The following CLCC1 variants were observed in gnomAD, a reference collection of about 807,000 sequenced individuals.
CLCC1 encodes the protein chloride channel CLIC like 1, also known as chloride channel CLIC-like protein 1.
Under a neutral mutation model 63.3 loss-of-function variants are expected in CLCC1, and 39 were observed. The ratio of observed to expected loss-of-function variants is 0.62; its 90% confidence interval spans 0.48 to 0.81. The LOEUF is 0.81. CLCC1 is among the 30% of genes least tolerant of loss of function. The pLI is 0.00. For missense variants in CLCC1, 549 were observed against 669.4 expected, an observed-to-expected ratio of 0.82 and a Z score of 1.98; for synonymous variants, 217 against 239.8, an observed-to-expected ratio of 0.90 and a Z score of 0.88.
Position 108,950,293 on chromosome 1 carries a change from G to T in CLCC1, c.129+16C>A. 1.9e-6 allele frequency: 3 copies of T among 1,602,858 alleles called. No homozygotes were observed. Among genetic ancestry groups the T allele is most frequent in the Non-Finnish European group, 2.6e-6 (3 of 1,173,774 alleles). ...CTGATAAGGTCTCACACACATGCAC[G>T]AATTTTTTTTAATACCTGAGATTTT... On this transcript the variant is annotated intron_variant, in intron 3 of 12. Transcript: ENST00000369969.
intron 5 of CLCC1, among the ~76,000 whole-genome samples, chr1:108,947,363 C>CA (rs1654678500): frequency 6.6e-6 from 1 of 152,146 alleles, no homozygotes. Flanking sequence ...GAGCAGTGCA[C>CA]AGAGCTGAGT....
intron 2 of CLCC1, among the ~76,000 whole-genome samples, chr1:108,953,126 T>C (rs939002801): frequency 2.6e-5 from 4 of 152,210 alleles, no homozygotes; most frequent in African/African-American, 9.7e-5. Flanking sequence ...ATCTTATACC[T>C]ACTACATATA....
Position 108,934,641 on chromosome 1 carries a change from T to A in CLCC1, c.*29A>T, listed in dbSNP as rs1216116050. 6.2e-7 allele frequency: 1 copy of A among 1,603,308 alleles called. No homozygotes were observed. The highest frequency in any genetic ancestry group is 2.2e-5 in the East Asian group (1 of 44,660). On this transcript the variant is annotated 3_prime_UTR_variant, in exon 12 of 13. Coordinates refer to ENST00000369969, the MANE Select transcript of CLCC1 (RefSeq NM_001377458.1). ...ATACTTTACAAAGCTCGAAGGAGAC[T>A]TGAGGCTGTCGTTTGTGCTGGTGTT...
Position 108,929,761 on chromosome 1 carries a change from G to A in CLCC1, c.*2786C>T, listed in dbSNP as rs727503087. The A allele has an allele frequency of 5.0e-6, 8 of 1,613,382 alleles. No individual in the cohort carries two copies. Among genetic ancestry groups the A allele is most frequent in the Non-Finnish European group, 6.8e-6 (8 of 1,179,328 alleles). ...ACCTGCTACCACAAAGGGTCCGACA[G>A]TACCAGATGAAGACTTTTTCAGCCT... On this transcript the variant is annotated 3_prime_UTR_variant, in exon 13 of 13. Coordinates refer to ENST00000369969, the MANE Select transcript of CLCC1 (RefSeq NM_001377458.1).
chr1:108,934,878 G>T lies in CLCC1; in HGVS notation c.1448C>A (p.Pro483Gln). ...ETGGILGEGT[P>Q]KESSTESSQS... ...GCTGCTTTCAGTACTGCTTTCTTTC[G>T]GTGTGCCTTCCCCCAGGATTCCACC... Residue 483 changes from proline to glutamine, a missense_variant, in exon 12 of 13, where the codon CCG (proline) becomes CAG (glutamine). Physicochemically the swap from Pro to Gln is moderately conservative, Grantham distance 76. Transcript: ENST00000369969. 6.2e-7 allele frequency: 1 copy of T among 1,614,080 alleles called. No homozygotes were observed.
In CLCC1 at chr1:108,931,437, GAACAAGTTGC is replaced by G. The variant is rs2101588472; in HGVS notation, c.*1100_*1109del. 3.2e-6 allele frequency: 5 copies of G among 1,550,886 alleles called. No individual in the cohort carries two copies. In the East Asian group the frequency reaches 1.2e-4, roughly 38 times the overall value. ...CACAGACTGCAAAGGCCCACGCTTG[GAACAAGTTGC>G]CAACTTGTTTCACTCTGCTTGCTTC... On this transcript the variant is annotated 3_prime_UTR_variant, in exon 13 of 13. Coordinates refer to ENST00000369969, the MANE Select transcript of CLCC1 (RefSeq NM_001377458.1).
chr1:108,959,307 G>A (rs1012149590), intron 2 of CLCC1, among the ~76,000 whole-genome samples: 3 of 151,644 alleles, frequency 2.0e-5, no homozygotes, highest in Non-Finnish European at 2.9e-5. Flanking sequence ...AGAGCTGAGA[G>A]CACACCACCG....
chr1:108,943,350 C>T (rs925658585), intron 7 of CLCC1, 125 bp downstream of exon 7: 10 of 883,864 alleles, frequency 1.1e-5, no homozygotes, highest in African/African-American at 1.7e-5. Context: ...TCCTCTCCAG[C>T]GTGGGCCACC....
At position 108,930,126 on chromosome 1, in the gene CLCC1, G is replaced by C; in HGVS notation, c.*2421C>G. The C allele has an allele frequency of 1.6e-6, 1 of 607,680 alleles. No homozygotes were observed. Among genetic ancestry groups the C allele is most frequent in the Non-Finnish European group, 2.9e-6 (1 of 350,232 alleles). The allele number at this position is 607,680 out of a possible 1,614,324, so 37.6% of individuals were successfully genotyped here. A position where few individuals can be genotyped will look rare whatever the true frequency, so the allele number is the denominator to read the frequency against. On this transcript the variant is annotated 3_prime_UTR_variant, in exon 13 of 13. Coordinates refer to ENST00000369969, the MANE Select transcript of CLCC1 (RefSeq NM_001377458.1). ...CTCTGGACATGCGCGTTTGAGGGTG[G>C]AGGGGTCCTGTAAGGTGCTTCATCG...
At chr1:108,941,070 C>A (rs938712105) in intron 8 of CLCC1, among the ~76,000 whole-genome samples, 157 of 152,284 alleles carry the variant, frequency 1.0e-3, no homozygotes, top group African/African-American at 3.5e-3. Context: ...TATATACATT[C>A]ATTCACTTGT....
intron 2 of CLCC1, among the ~76,000 whole-genome samples, chr1:108,952,608 GGCCAACA>G (rs1655354696): frequency 6.7e-6 from 1 of 148,788 alleles, no homozygotes; most frequent in South Asian, 2.1e-4. Flanking sequence ...AGAGCAGCCT[GGCCAACA>G]AGTTGAAACC....
intron 4 of CLCC1, 150 bp downstream of exon 4, chr1:108,949,670 C>A: frequency 2.1e-6 from 1 of 471,332 alleles, no homozygotes; most frequent in Non-Finnish European, 3.7e-6. Flanking sequence ...TAATAAGAAA[C>A]CAAGGTTAGA....
Position 108,939,696 on chromosome 1 carries a change from C to T in CLCC1, c.981G>A (p.Met327Ile). Residue 327 changes from methionine to isoleucine, a missense_variant, in exon 10 of 13, where the codon ATG becomes ATA. Coordinates refer to ENST00000369969, the MANE Select transcript of CLCC1 (RefSeq NM_001377458.1). Reference sequence around the variant, plus strand: ...GATGAAGCAGCGCTGGAATTTCCTTCATGAGTGCTTTAATAAATTCCCCAG... The same window carrying T: ...GATGAAGCAGCGCTGGAATTTCCTTTATGAGTGCTTTAATAAATTCCCCAG... ...KGTGEFIKAL[M>I]KEIPALLHLP... 6.2e-7 allele frequency: 1 copy of T among 1,614,142 alleles called. No homozygotes were observed. The highest frequency in any genetic ancestry group is 1.6e-4 in the Middle Eastern group (1 of 6,062).
Position 108,932,274 on chromosome 1 carries a change from A to AAAAGT in CLCC1, c.*268_*272dup, listed in dbSNP as rs1015689181. On this transcript the variant is annotated 3_prime_UTR_variant, in exon 13 of 13. Transcript: ENST00000369969. ...GGGTGACAGAGCAAAACTCTCAAAA[A>AAAAGT]AAAGTAAAATTTCAAAAAAGCTTCA... 2.3e-4 allele frequency: 35 copies of AAAAGT among 152,292 alleles called. No individual in the cohort carries two copies. The highest frequency in any genetic ancestry group is 7.7e-4 in the African/African-American group (32 of 41,556). The allele number at this position is 152,292 out of a possible 1,614,324, so 9.4% of individuals were successfully genotyped here. A position where few individuals can be genotyped will look rare whatever the true frequency, so the allele number is the denominator to read the frequency against.
intron 7 of CLCC1, among the ~76,000 whole-genome samples, chr1:108,942,221 G>A (rs1044622077): frequency 1.3e-5 from 2 of 152,138 alleles, no homozygotes; most frequent in African/African-American, 2.4e-5. Flanking sequence ...CTGGGGGACA[G>A]AGTGAGACTG....
chr1:108,960,195 T>C (rs948399676), intron 2 of CLCC1, among the ~76,000 whole-genome samples: 1 of 152,170 alleles, frequency 6.6e-6, no homozygotes, highest in African/African-American at 2.4e-5. Context: ...TGGAGATACT[T>C]AGAAATACTG....
chr1:108,955,597 C>G (rs1655784625), intron 2 of CLCC1, among the ~76,000 whole-genome samples: 1 of 151,516 alleles, frequency 6.6e-6, no homozygotes, highest in African/African-American at 2.5e-5. Flanking sequence ...AACTGCAAAG[C>G]ATTCCTTCTG....
Position 108,943,867 on chromosome 1 carries a change from G to A in CLCC1, c.530C>T (p.Ser177Phe), listed in dbSNP as rs535996305. 12 of 1,613,578 alleles carry A rather than the reference G, an allele frequency of 7.4e-6. No homozygotes were observed. In the East Asian group the frequency reaches 2.5e-4, roughly 33 times the overall value. ...FETWKWRFEDSFGVDPYNVLM... is the reference protein window; with the variant it reads ...FETWKWRFEDFFGVDPYNVLM... ...CACATTATATGGATCCACTCCAAAGGAATCTTCGAATCGCCACTTCCATGT... is the reference window on the plus strand; with the variant it reads ...CACATTATATGGATCCACTCCAAAGAAATCTTCGAATCGCCACTTCCATGT... Residue 177 changes from serine to phenylalanine, a missense_variant, in exon 6 of 13, where the codon TCC (serine) becomes TTC (phenylalanine). Physicochemically the swap from Ser to Phe is radical, Grantham distance 155. Coordinates refer to ENST00000369969, the MANE Select transcript of CLCC1 (RefSeq NM_001377458.1).
chr1:108,943,416 GTCT>G, intron 7 of CLCC1, 56 bp downstream of exon 7: 1 of 1,551,984 alleles, frequency 6.4e-7, no homozygotes, highest in South Asian at 1.1e-5. Flanking sequence ...ATGGATTAGA[GTCT>G]TCTTTCATTG....
Sources: allele counts gnomAD v4.1 joint callset (sites outside exome capture counted in the v4.1 genomes callset), GRCh38; gene constraint gnomAD v4.1.1; transcripts MANE v1.5; gene names NCBI Gene and HGNC (gene_info 2026-07-23, HGNC 2026-07-21).